The following COL22A1 variants were observed in gnomAD, a reference collection of about 807,000 sequenced individuals.
COL22A1 encodes collagen type XXII alpha 1 chain, also known as collagen alpha-1(XXII) chain.
COL22A1 carries 221 observed loss-of-function variants against 248.9 expected under a neutral mutation model. The observed-to-expected ratio is 0.89, with a 90% CI of 0.80 to 0.99. COL22A1 has a LOEUF of 0.99. Ranked by LOEUF, COL22A1 falls within the 50% of genes least tolerant of loss-of-function variation. COL22A1 has a pLI of 0.00. For missense variants in COL22A1, 2,240 were observed against 2,179.0 expected (o/e 1.03, Z -0.56); for synonymous variants, 891 against 793.4 (o/e 1.12, Z -2.07).
At chr8:138,762,863 G>A (rs73361010) in intron 16 of COL22A1, among the ~76,000 whole-genome samples, 6,274 of 152,224 alleles carry the variant, frequency 0.041, 175 homozygotes, top group Non-Finnish European at 0.048. Context: ...CCGTAAACAC[G>A]TGTGAACATG....
intron 3 of COL22A1, among the ~76,000 whole-genome samples, chr8:138,850,520 C>T (rs1194649897): frequency 6.6e-6 from 1 of 152,180 alleles, no homozygotes. Flanking sequence ...GGCTCCGGCA[C>T]AGCTGGGCCC....
At chr8:138,652,772 A>G (rs1822876318) in intron 45 of COL22A1, among the ~76,000 whole-genome samples, 1 of 25,552 alleles carries the variant, frequency 3.9e-5, no homozygotes, top group Non-Finnish European at 1.6e-4. Flanking sequence ...TTGGAGACAG[A>G]GTCTTGCTCT....
At chr8:138,706,401 A>G (rs1381792750) in intron 30 of COL22A1, among the ~76,000 whole-genome samples, 1 of 152,214 alleles carries the variant, frequency 6.6e-6, no homozygotes, top group Non-Finnish European at 1.5e-5. Flanking sequence ...AGCACTCCTC[A>G]GCAAATGTGA....
chr8:138,801,367 G>A (rs562542701), intron 11 of COL22A1, among the ~76,000 whole-genome samples: 1 of 152,284 alleles, frequency 6.6e-6, no homozygotes, highest in South Asian at 2.1e-4. Flanking sequence ...GGATGCACGT[G>A]CCAAGAGTAG....
chr8:138,825,718 A>G (rs896739004), intron 6 of COL22A1: 2 of 152,168 alleles, frequency 1.3e-5, no homozygotes, highest in East Asian at 1.9e-4. Flanking sequence ...CTGGAGTCCA[A>G]TTGCTTGAGC....
chr8:138,621,425 C>T (rs1458878425), intron 52 of COL22A1, among the ~76,000 whole-genome samples: 1 of 152,186 alleles, frequency 6.6e-6, no homozygotes, highest in Non-Finnish European at 1.5e-5. Flanking sequence ...TTCTCTTCCT[C>T]CCTCCCTCAC....
At chr8:138,846,164 T>C (rs1821230273) in intron 3 of COL22A1, among the ~76,000 whole-genome samples, 1 of 152,152 alleles carries the variant, frequency 6.6e-6, no homozygotes, top group South Asian at 2.1e-4. Flanking sequence ...CAGCACAATA[T>C]TTAGACAGCT....
intron 22 of COL22A1, among the ~76,000 whole-genome samples, chr8:138,750,267 C>T (rs1352729467): frequency 6.6e-6 from 1 of 152,206 alleles, no homozygotes; most frequent in Non-Finnish European, 1.5e-5. Context: ...TACAATCTCT[C>T]TCACCCAGTG....
chr8:138,881,409 G>A (rs1680452489), intron 2 of COL22A1, among the ~76,000 whole-genome samples: 1 of 152,150 alleles, frequency 6.6e-6, no homozygotes, highest in Admixed American at 6.5e-5. Flanking sequence ...TTTCTGGGTG[G>A]GTGTGGTGGC....
intron 23 of COL22A1, among the ~76,000 whole-genome samples, chr8:138,731,010 C>T (rs1830667879): frequency 6.6e-6 from 1 of 152,102 alleles, no homozygotes; most frequent in South Asian, 2.1e-4. Flanking sequence ...CTTAGAAAGA[C>T]ACATTTCTAG....
At chr8:138,774,935 C>T (rs1222061063) in intron 16 of COL22A1, among the ~76,000 whole-genome samples, 1 of 152,218 alleles carries the variant, frequency 6.6e-6, no homozygotes, top group Admixed American at 6.5e-5. Flanking sequence ...TGGAGGGACA[C>T]TCCCCATGTG....
At chr8:138,608,720 T>C (rs1395672194) in intron 56 of COL22A1, among the ~76,000 whole-genome samples, 5 of 152,216 alleles carry the variant, frequency 3.3e-5, no homozygotes, top group Admixed American at 3.3e-4. Context: ...CAGACAAATT[T>C]CTATGAAGCC....
At chr8:138,863,643 T>C (rs930578760) in intron 3 of COL22A1, among the ~76,000 whole-genome samples, 3 of 152,028 alleles carry the variant, frequency 2.0e-5, no homozygotes, top group Admixed American at 6.6e-5. Flanking sequence ...AACGCGGAAG[T>C]GGGTGCGGGG....
At chr8:138,789,684 A>G (rs1815861567) in intron 12 of COL22A1, among the ~76,000 whole-genome samples, 1 of 152,304 alleles carries the variant, frequency 6.6e-6, no homozygotes, top group South Asian at 2.1e-4. Flanking sequence ...ACTGACATTG[A>G]CCAATGCCGT....
intron 3 of COL22A1, among the ~76,000 whole-genome samples, chr8:138,854,581 T>G (rs1035963723): frequency 3.3e-5 from 5 of 152,200 alleles, no homozygotes; most frequent in African/African-American, 1.2e-4. Context: ...TATGGGCCTC[T>G]GCTCGCTGCT....
intron 21 of COL22A1, among the ~76,000 whole-genome samples, chr8:138,754,064 T>G (rs773364736): frequency 1.3e-5 from 2 of 152,230 alleles, no homozygotes; most frequent in Non-Finnish European, 2.9e-5. Flanking sequence ...GCACTAATGT[T>G]TTCATTGGTA....
At chr8:138,812,148 G>T (rs150997616) in intron 8 of COL22A1, among the ~76,000 whole-genome samples, 1 of 152,144 alleles carries the variant, frequency 6.6e-6, no homozygotes, top group African/African-American at 2.4e-5. Context: ...CTCACACCTC[G>T]CAAGTGCTCA....
chr8:138,720,788 T>C lies in COL22A1; in HGVS notation c.2306A>G (p.Glu769Gly). 1 of 1,613,410 alleles carries C rather than the reference T, an allele frequency of 6.2e-7. No homozygotes were observed. The highest frequency in any genetic ancestry group is 8.5e-7 in the Non-Finnish European group (1 of 1,179,358). ...GPPGPPGTKG[E>G]PGERGEDGLP... ...ACCATCTTCCCCTCTTTCTCCTGGT[T>C]CTCCCTGGAAGGAATACAGAGCAAA... The change falls in exon 27 of 65, where the codon GAA becomes GGA. Residue 769 changes from glutamate to glycine, a missense_variant. Glu to Gly is a moderately conservative substitution (Grantham distance 98). Coordinates refer to ENST00000303045, the MANE Select transcript of COL22A1 (RefSeq NM_152888.3).
In COL22A1 at chr8:138,685,270, TG is replaced by T. The variant is rs1826257445; in HGVS notation, c.2904del (p.Arg969GlyfsTer33). 6.2e-7 allele frequency: 1 copy of T among 1,613,854 alleles called. No homozygotes were observed. The highest frequency in any genetic ancestry group is 8.5e-7 in the Non-Finnish European group (1 of 1,179,936). ...GEEGSPGPVG[P>X]RGDPGAPGLP... Reference sequence around the variant, plus strand: ...AGCCCAGGAGCACCAGGATCTCCCCTGGGACCAACTGGCCCTGGGCTGCCTT... The same window carrying T: ...AGCCCAGGAGCACCAGGATCTCCCCTGGACCAACTGGCCCTGGGCTGCCTT... On this transcript the variant is annotated frameshift_variant, in exon 38 of 65. Coordinates refer to ENST00000303045, the MANE Select transcript of COL22A1 (RefSeq NM_152888.3). LOFTEE classifies it high-confidence loss of function.
Sources: gnomAD v4.1 joint callset for allele counts (sites outside exome capture counted in the v4.1 genomes callset) on GRCh38, gnomAD v4.1.1 for gene constraint, MANE v1.5 for transcripts, NCBI Gene and HGNC (gene_info 2026-07-23, HGNC 2026-07-21) for gene names.